The following ACVR1C variants were observed in gnomAD, a reference collection of about 807,000 sequenced individuals.
ACVR1C encodes the protein activin A receptor type 1C.
ACVR1C carries 23 observed loss-of-function variants against 57.9 expected under a neutral mutation model. The observed-to-expected ratio is 0.40, with a 90% confidence interval of 0.29 to 0.56. ACVR1C has a LOEUF of 0.56. ACVR1C is among the 20% of genes least tolerant of loss of function. The probability of loss-of-function intolerance (pLI) is 0.50; values close to 1 mark genes in which losing one functional copy is unlikely to be tolerated. For synonymous variants in ACVR1C, 214 were observed against 215.3 expected (o/e 0.99, Z 0.05); for missense variants, 480 against 607.9 (o/e 0.79, Z 2.21).
Position 157,555,562 on chromosome 2 carries a change from T to C in ACVR1C, c.544+531A>G, listed in dbSNP as rs1242528372. Among the ~76,000 whole-genome samples, 3 of 152,232 alleles carry C rather than the reference T, an allele frequency of 2.0e-5. No individual in the cohort carries two copies. In the East Asian group the frequency reaches 5.8e-4, roughly 29 times the overall value. On this transcript the variant is annotated intron_variant, in intron 3 of 8. Coordinates refer to ENST00000243349, the MANE Select transcript of ACVR1C (RefSeq NM_145259.3). ...CTGTTTCTTTGCTTTAAGAACATATTCTTGATTTAATTTTAGGTGAGTTCC... is the reference window on the plus strand; with the variant it reads ...CTGTTTCTTTGCTTTAAGAACATATCCTTGATTTAATTTTAGGTGAGTTCC...
chr2:157,582,961 A>C (rs975230087), intron 2 of ACVR1C, among the ~76,000 whole-genome samples: 4 of 152,140 alleles, frequency 2.6e-5, no homozygotes, highest in African/African-American at 9.7e-5. Flanking sequence ...AGATCACTGC[A>C]ACCTCTGCCT....
At chr2:157,623,328 A>G (rs959127820) in intron 1 of ACVR1C, among the ~76,000 whole-genome samples, 1 of 152,230 alleles carries the variant, frequency 6.6e-6, no homozygotes, top group Admixed American at 6.5e-5. Flanking sequence ...AGCCCTATTT[A>G]CAATAGCTAA....
At chr2:157,544,161 C>T (rs1171754421) in intron 5 of ACVR1C, among the ~76,000 whole-genome samples, 1 of 150,222 alleles carries the variant, frequency 6.7e-6, no homozygotes, top group Non-Finnish European at 1.5e-5. Context: ...ACCTCAGCCT[C>T]CCAAGTGGCT....
At chr2:157,556,657 CTTTTTTTT>C in intron 2 of ACVR1C, among the ~76,000 whole-genome samples, 1 of 87,902 alleles carries the variant, frequency 1.1e-5, no homozygotes, top group Non-Finnish European at 2.1e-5. Context: ...CAGCAGTACA[CTTTTTTTT>C]TTTTTTTTTT....
At chr2:157,552,038 G>C (rs185155465) in intron 3 of ACVR1C, among the ~76,000 whole-genome samples, 1 of 152,238 alleles carries the variant, frequency 6.6e-6, no homozygotes, top group Admixed American at 6.5e-5. Context: ...CTGCTAGTGA[G>C]AGGCAGACCT....
At chr2:157,608,652 T>A (rs909496957) in intron 1 of ACVR1C, among the ~76,000 whole-genome samples, 2 of 151,922 alleles carry the variant, frequency 1.3e-5, no homozygotes, top group Admixed American at 6.6e-5. Flanking sequence ...TACAACTCAA[T>A]CTCACTGCTT....
chr2:157,615,065 G>C (rs1318202855), intron 1 of ACVR1C, among the ~76,000 whole-genome samples: 1 of 151,866 alleles, frequency 6.6e-6, no homozygotes, highest in Non-Finnish European at 1.5e-5. Flanking sequence ...ATTGTTTTTG[G>C]TCCCTTGGAT....
intron 2 of ACVR1C, among the ~76,000 whole-genome samples, chr2:157,577,912 A>G (rs193216353): frequency 1.3e-5 from 2 of 151,730 alleles, no homozygotes; most frequent in East Asian, 3.9e-4. Flanking sequence ...ACAGGGTCTC[A>G]TGCTCCCACC....
At chr2:157,588,869 A>ATATATG (rs1448605879) in intron 1 of ACVR1C, among the ~76,000 whole-genome samples, 1 of 141,792 alleles carries the variant, frequency 7.1e-6, no homozygotes, top group African/African-American at 2.6e-5. Flanking sequence ...ATATATATAT[A>ATATATG]TATATATATA....
intron 2 of ACVR1C, 145 bp from the exon 3 acceptor site, chr2:157,556,477 G>A: frequency 1.9e-6 from 2 of 1,063,246 alleles, no homozygotes; most frequent in Non-Finnish European, 2.7e-6. Flanking sequence ...GGCTCTCTGT[G>A]GTATAAGCAA....
chr2:157,534,964 T>G (rs1284737173), intron 8 of ACVR1C, among the ~76,000 whole-genome samples: 6 of 151,984 alleles, frequency 3.9e-5, no homozygotes, highest in Non-Finnish European at 8.8e-5. Flanking sequence ...AAGACCAACC[T>G]GAGTAACACA....
chr2:157,587,705 A>T (rs1430743828), intron 1 of ACVR1C, among the ~76,000 whole-genome samples: 4 of 152,030 alleles, frequency 2.6e-5, no homozygotes, highest in African/African-American at 9.7e-5. Context: ...TATTAAGTTC[A>T]ACCAGCTCAT....
intron 8 of ACVR1C, among the ~76,000 whole-genome samples, chr2:157,535,120 G>A (rs1687450342): frequency 7.0e-6 from 1 of 142,674 alleles, no homozygotes; most frequent in Non-Finnish European, 1.5e-5. Context: ...ACTCTAGCCT[G>A]GGTGACAGTG....
At position 157,541,099 on chromosome 2, in the gene ACVR1C, A is replaced by G. The variant is rs758081719; in HGVS notation, c.1216T>C (p.Ser406Pro). 1 of 1,612,854 alleles carries G rather than the reference A, an allele frequency of 6.2e-7. No individual in the cohort carries two copies. ...LVYWEIARRC[S>P]VGGIVEEYQL... is the part of the protein sequence containing the mutation. ...ATTTCCAAAATTTTACCTCCGACTG[A>G]ACACCTCCGGGCTATTTCCCAGTAA... The change falls in exon 7 of 9, where the codon TCA (serine) becomes CCA (proline). Residue 406 changes from serine to proline, a missense_variant. Ser to Pro is a moderately conservative substitution (Grantham distance 74). Transcript: ENST00000243349.
At chr2:157,543,644 T>C (rs1283543730) in intron 5 of ACVR1C, among the ~76,000 whole-genome samples, 1 of 152,208 alleles carries the variant, frequency 6.6e-6, no homozygotes, top group Non-Finnish European at 1.5e-5. Flanking sequence ...AAAGAGATCA[T>C]GAGTTCAAAT....
rs1368325644 is a variant in ACVR1C, at chr2:157,532,314, A to G, written c.*1604T>C. 4.0e-5 allele frequency: 6 copies of G among 151,802 alleles called. No homozygotes were observed. Among genetic ancestry groups the G allele is most frequent in the African/African-American group, 1.5e-4 (6 of 41,354 alleles). 9.4% of individuals were successfully genotyped at this position (151,802 alleles called of 1,614,324 possible). A position where few individuals can be genotyped will look rare whatever the true frequency, so the allele number is the denominator to read the frequency against. On this transcript the variant is annotated 3_prime_UTR_variant, in exon 9 of 9. Transcript: ENST00000243349. Reference sequence around the variant, plus strand: ...TTAATAAAAGGGTTCCACCACGATCAGGTAATCTGAGCAATCCAGTTTAAA... The same window carrying G: ...TTAATAAAAGGGTTCCACCACGATCGGGTAATCTGAGCAATCCAGTTTAAA...
chr2:157,530,273 A>C lies in ACVR1C; in HGVS notation c.*3645T>G, dbSNP rs1687324433. On this transcript the variant is annotated 3_prime_UTR_variant, in exon 9 of 9. Coordinates refer to ENST00000243349, the MANE Select transcript of ACVR1C (RefSeq NM_145259.3). ...TATTTTAAATACATTTATTTAGCCA[A>C]ATACATTCTCATACTTATTTCAATC... The C allele has an allele frequency of 6.6e-6, 1 of 152,122 alleles. No individual in the cohort carries two copies. Among genetic ancestry groups the C allele is most frequent in the African/African-American group, 2.4e-5 (1 of 41,450 alleles). The allele number at this position is 152,122 out of a possible 1,614,324, so 9.4% of individuals were successfully genotyped here. A position where few individuals can be genotyped will look rare whatever the true frequency, so the allele number is the denominator to read the frequency against.
intron 1 of ACVR1C, among the ~76,000 whole-genome samples, chr2:157,613,364 A>G (rs1243091679): frequency 6.6e-6 from 1 of 152,236 alleles, no homozygotes; most frequent in Non-Finnish European, 1.5e-5. Context: ...ATTACTTATA[A>G]TACCTAATGC....
intron 2 of ACVR1C, among the ~76,000 whole-genome samples, chr2:157,586,283 G>T (rs773357424): frequency 5.9e-5 from 9 of 151,924 alleles, no homozygotes; most frequent in Non-Finnish European, 1.2e-4. Flanking sequence ...TTAAAAGGTG[G>T]TTAGTTTATT....
Sources: allele counts gnomAD v4.1 joint callset (sites outside exome capture counted in the v4.1 genomes callset), GRCh38; gene constraint gnomAD v4.1.1; transcripts MANE v1.5; gene names NCBI Gene and HGNC (gene_info 2026-07-23, HGNC 2026-07-21).